CEP85L: variants seen among roughly 807,000 people sequenced by gnomAD.
CEP85L encodes the protein centrosomal protein 85L.
In CEP85L, 60 loss-of-function variants were observed where a neutral mutation model predicts 100.3. That is an observed-to-expected ratio of 0.60 (90% CI 0.49 to 0.74). The LOEUF (loss-of-function observed/expected upper bound fraction) is 0.74, where lower values mean the gene tolerates loss of function less well. Among genes scored for constraint, CEP85L ranks in the 30% least tolerant of loss-of-function variants. CEP85L has a pLI of 0.00. For missense variants in CEP85L, 973 were observed against 936.2 expected, an observed-to-expected ratio of 1.04 and a Z score of -0.51; for synonymous variants, 319 against 322.7, an observed-to-expected ratio of 0.99 and a Z score of 0.12.
chr6:118,583,756 G>T (rs1780705998), intron 2 of CEP85L, among the ~76,000 whole-genome samples: 1 of 152,142 alleles, frequency 6.6e-6, no homozygotes, highest in African/African-American at 2.4e-5. Flanking sequence ...CTCAAACCCT[G>T]TAATAGCCCC....
chr6:118,654,249 C>T (rs1222329066), upstream of CEP85L, among the ~76,000 whole-genome samples: 1 of 152,004 alleles, frequency 6.6e-6, no homozygotes, highest in Non-Finnish European at 1.5e-5. Flanking sequence ...CCACCGCACT[C>T]AAGCCTGGGC....
chr6:118,554,413 T>C (rs146154859), intron 3 of CEP85L, among the ~76,000 whole-genome samples: 70 of 152,278 alleles, frequency 4.6e-4, no homozygotes, highest in African/African-American at 1.7e-3. Flanking sequence ...TTCCAAAGTG[T>C]TGGAATTATA....
chr6:118,566,325 A>G lies in CEP85L; in HGVS notation c.233-9T>C. 6.3e-7 allele frequency: 1 copy of G among 1,599,256 alleles called. No individual in the cohort carries two copies. The highest frequency in any genetic ancestry group is 8.5e-7 in the Non-Finnish European group (1 of 1,173,542). ...ACTTGAAGTTGAATGATCTGGAAAG[A>G]AAAAAGATGGTCAAATTAGTTACAA... On this transcript the variant is annotated splice_polypyrimidine_tract_variant and intron_variant, in intron 2 of 12. Coordinates refer to ENST00000368491, the MANE Select transcript of CEP85L (RefSeq NM_001042475.3).
chr6:118,510,014 ACT>A (rs1263975837), intron 5 of CEP85L, among the ~76,000 whole-genome samples: 3 of 152,074 alleles, frequency 2.0e-5, no homozygotes, highest in African/African-American at 7.2e-5. Flanking sequence ...TGGCGTAGAC[ACT>A]GTCTTACCTA....
At chr6:118,469,540 G>A (rs1772783195) in intron 11 of CEP85L, among the ~76,000 whole-genome samples, 1 of 152,128 alleles carries the variant, frequency 6.6e-6, no homozygotes, top group South Asian at 2.1e-4. Flanking sequence ...TATATCCAAG[G>A]GAGGAAACAT....
chr6:118,482,324 T>A (rs1235124475), intron 7 of CEP85L, among the ~76,000 whole-genome samples: 1 of 152,186 alleles, frequency 6.6e-6, no homozygotes, highest in Non-Finnish European at 1.5e-5. Flanking sequence ...TCATCTTGCA[T>A]AATTGAAACT....
intron 2 of CEP85L, among the ~76,000 whole-genome samples, chr6:118,578,652 C>T (rs1583095088): frequency 6.6e-6 from 1 of 152,098 alleles, no homozygotes; most frequent in East Asian, 1.9e-4. Flanking sequence ...TGACTTGAAC[C>T]CAGGAGGCGG....
chr6:118,536,707 C>T (rs1777615502), intron 3 of CEP85L, among the ~76,000 whole-genome samples: 1 of 152,108 alleles, frequency 6.6e-6, no homozygotes. Context: ...GACATATATA[C>T]CCTACACCAA....
At chr6:118,529,720 T>TG (rs1198614691) in intron 3 of CEP85L, among the ~76,000 whole-genome samples, 2 of 151,972 alleles carry the variant, frequency 1.3e-5, no homozygotes, top group African/African-American at 4.8e-5. Flanking sequence ...CCTCTGACTA[T>TG]GATGCCATAG....
At position 118,523,818 on chromosome 6, in the gene CEP85L, C is replaced by A. The variant is rs1238493882; in HGVS notation, c.1123G>T (p.Glu375Ter). Residue 375 changes from glutamate to a stop codon, truncating the protein, a stop_gained, in exon 4 of 13, where the codon GAA becomes TAA. Coordinates refer to ENST00000368491, the MANE Select transcript of CEP85L (RefSeq NM_001042475.3). LOFTEE classifies it high-confidence loss of function. ...TAGACTCACCGATCGATTACAATTT[C>A]TTTCTGCCTTAGAAGTCCTTCTTTT... The part of the protein sequence containing the change: ...KIKEGLLRQK[E>*]IVIDRQKQQI... 1 of 1,538,396 alleles carries A rather than the reference C, an allele frequency of 6.5e-7. No individual in the cohort carries two copies. The highest frequency in any genetic ancestry group is 9.0e-7 in the Non-Finnish European group (1 of 1,113,826).
At chr6:118,661,241 A>G (rs1183362724) in intron 1 of CEP85L, among the ~76,000 whole-genome samples, 3 of 152,230 alleles carry the variant, frequency 2.0e-5, no homozygotes, top group African/African-American at 7.2e-5. Context: ...GTAAAATATG[A>G]TTACCATATA....
At chr6:118,608,778 T>C (rs540374520) in intron 2 of CEP85L, among the ~76,000 whole-genome samples, 51 of 152,334 alleles carry the variant, frequency 3.3e-4, no homozygotes, top group African/African-American at 1.2e-3. Context: ...TGTATGTATA[T>C]GGGGGTATTT....
At chr6:118,545,469 T>A (rs553455685) in intron 3 of CEP85L, among the ~76,000 whole-genome samples, 1 of 152,164 alleles carries the variant, frequency 6.6e-6, no homozygotes, top group Admixed American at 6.5e-5. Context: ...ACGCCTGTAG[T>A]CTCAGCTACT....
Position 118,684,512 on chromosome 6 carries a change from A to AAAAG in CEP85L, c.-28+25520_-28+25523dup, listed in dbSNP as rs1169177374. ...GCAACAGAGCCCGACCTGTTTCTAA[A>AAAAG]AAAGAAAGAAAGAAAGAAAAAAAGG... is the stretch of plus-strand genomic sequence containing the variant. On this transcript the variant is annotated intron_variant, in intron 1 of 13. Coordinates refer to the CEP85L transcript ENST00000368488. Among the ~76,000 whole-genome samples, 16 of 152,194 alleles carry AAAAG rather than the reference A, an allele frequency of 1.1e-4. 1 individual carries two copies. Among genetic ancestry groups the AAAAG allele is most frequent in the African/African-American group, 3.9e-4 (16 of 41,434 alleles).
upstream of CEP85L, among the ~76,000 whole-genome samples, chr6:118,653,777 A>G (rs947173374): frequency 9.1e-5 from 13 of 142,146 alleles, no homozygotes; most frequent in Non-Finnish European, 1.5e-4. Context: ...GTGTGTGTGT[A>G]TAAGTATCAT....
intron 4 of CEP85L, among the ~76,000 whole-genome samples, chr6:118,520,195 G>A (rs1030198218): frequency 6.6e-6 from 1 of 152,124 alleles, no homozygotes; most frequent in Non-Finnish European, 1.5e-5. Context: ...TGTATTGGAG[G>A]CTCTATTTAC....
chr6:118,550,960 A>G (rs1778506571), intron 3 of CEP85L, among the ~76,000 whole-genome samples: 1 of 151,846 alleles, frequency 6.6e-6, no homozygotes, highest in Non-Finnish European at 1.5e-5. Context: ...ACCTCCTGGA[A>G]GGCAAAATTC....
chr6:118,496,354 A>T (rs372936581), intron 5 of CEP85L, among the ~76,000 whole-genome samples: 1 of 61,154 alleles, frequency 1.6e-5, no homozygotes, highest in South Asian at 4.6e-4. Context: ...TTTATTTTAT[A>T]TTTTTTATTT....
intron 2 of CEP85L, among the ~76,000 whole-genome samples, chr6:118,625,373 A>T (rs1200141852): frequency 6.6e-6 from 1 of 152,216 alleles, no homozygotes; most frequent in Non-Finnish European, 1.5e-5. Context: ...CAGTCCCGCC[A>T]CGCCCGAGCG....
Sources: allele counts gnomAD v4.1 joint callset (sites outside exome capture counted in the v4.1 genomes callset), GRCh38; gene constraint gnomAD v4.1.1; transcripts MANE v1.5; gene names NCBI Gene and HGNC (gene_info 2026-07-23, HGNC 2026-07-21).